The following PLGRKT variants were observed in gnomAD, a reference collection of about 807,000 sequenced individuals.
The protein encoded by PLGRKT is plasminogen receptor (KT).
PLGRKT carries 22 observed loss-of-function variants against 18.5 expected under a neutral mutation model. The ratio of observed to expected loss-of-function variants is 1.19; its 90% CI spans 0.85 to 1.70. The LOEUF (loss-of-function observed/expected upper bound fraction) is 1.70. Among genes scored for constraint, PLGRKT ranks in the 40% most tolerant of loss-of-function variants. The probability of loss-of-function intolerance (pLI) is 0.00; values close to 1 mark genes in which losing one functional copy is unlikely to be tolerated. For synonymous variants in PLGRKT, 72 were observed against 52.8 expected (o/e 1.36, Z -1.58); for missense variants, 235 against 174.4 (o/e 1.35, Z -1.96).
intron 3 of PLGRKT, among the ~76,000 whole-genome samples, chr9:5,393,032 G>C (rs1399926007): frequency 2.6e-5 from 4 of 151,532 alleles, no homozygotes; most frequent in Non-Finnish European, 5.9e-5. Context: ...ATTAGAGACA[G>C]GATTTCACCA....
rs374996250 is a variant in PLGRKT at position 5,412,195 on chromosome 9, TG to T, written c.81+19701del. ...TGATACAGGTAGTATCTCAACTCAC[TG>T]GGGGTAAAGATAGACTTCTTAATAA... On this transcript the variant is annotated intron_variant, in intron 3 of 5. Transcript: ENST00000223864. Among the ~76,000 whole-genome samples the T allele has an allele frequency of 1.2e-4, 19 of 152,304 alleles. No homozygotes were observed. In the South Asian group the frequency reaches 2.9e-3, roughly 23 times the overall value.
At chr9:5,388,010 G>A (rs1563775217) in intron 3 of PLGRKT, among the ~76,000 whole-genome samples, 1 of 151,860 alleles carries the variant, frequency 6.6e-6, no homozygotes, top group East Asian at 1.9e-4. Context: ...TGTCAAGCAG[G>A]CAGTTTGGTA....
chr9:5,432,075 G>GT, intron 2 of PLGRKT, 92 bp from the exon 3 acceptor site: 2 of 600,886 alleles, frequency 3.3e-6, no homozygotes, highest in Admixed American at 2.9e-5. Context: ...TTATGACAAA[G>GT]TAAAAAAAAA....
At chr9:5,433,172 G>A (rs143519522) in intron 2 of PLGRKT, among the ~76,000 whole-genome samples, 7,134 of 143,178 alleles carry the variant, frequency 0.05, 421 homozygotes, top group African/African-American at 0.15. Context: ...AGTGAGGAGT[G>A]CCTCTGCCCG....
intron 3 of PLGRKT, among the ~76,000 whole-genome samples, chr9:5,420,972 T>G (rs188541317): frequency 8.5e-5 from 13 of 152,370 alleles, no homozygotes; most frequent in Non-Finnish European, 1.9e-4. Context: ...AACTTTTATG[T>G]ATTTCAGAAA....
At position 5,418,913 on chromosome 9, in the gene PLGRKT, C is replaced by G. The variant is rs1414749995; in HGVS notation, c.81+12984G>C. 1 of 863,542 alleles carries G rather than the reference C, an allele frequency of 1.2e-6. No individual in the cohort carries two copies. The highest frequency in any genetic ancestry group is 1.7e-5 in the African/African-American group (1 of 59,560). 53.5% of individuals were successfully genotyped at this position (863,542 alleles called of 1,614,324 possible). A position where few individuals can be genotyped will look rare whatever the true frequency, so the allele number is the denominator to read the frequency against. ...TTGCAATCCAGCAACTTGGCCTTCA[C>G]TAGGGGCTGCAGTAATTAAAACAGA... On this transcript the variant is annotated intron_variant, in intron 3 of 5. Transcript: ENST00000223864. The surrounding 1 kb of genome is among the most constrained non-coding windows in gnomAD (Gnocchi z 4.2).
intron 3 of PLGRKT, among the ~76,000 whole-genome samples, chr9:5,399,851 C>T (rs573731652): frequency 6.6e-6 from 1 of 151,578 alleles, no homozygotes; most frequent in South Asian, 2.1e-4. Context: ...ATTAGCCAGG[C>T]CTGGTGGTGC....
At chr9:5,391,095 G>T (rs924598798) in intron 3 of PLGRKT, among the ~76,000 whole-genome samples, 1 of 151,896 alleles carries the variant, frequency 6.6e-6, no homozygotes, top group African/African-American at 2.4e-5. Context: ...TTGCGGAATT[G>T]ATGTTGGTCA....
intron 3 of PLGRKT, among the ~76,000 whole-genome samples, chr9:5,423,159 T>A (rs561051578): frequency 3.7e-4 from 56 of 152,322 alleles, no homozygotes; most frequent in African/African-American, 1.3e-3. Context: ...TCTCAGTTCC[T>A]AACACAATAT....
chr9:5,367,061 A>C (rs1014954084), intron 3 of PLGRKT, among the ~76,000 whole-genome samples: 6 of 146,310 alleles, frequency 4.1e-5, no homozygotes, highest in South Asian at 2.2e-4. Context: ...ACACACACAC[A>C]CACACACCCC....
chr9:5,369,587 A>G (rs1027122560), intron 3 of PLGRKT, among the ~76,000 whole-genome samples: 1 of 152,224 alleles, frequency 6.6e-6, no homozygotes, highest in Non-Finnish European at 1.5e-5. Flanking sequence ...CAATCCCATT[A>G]CTGGTTATAT....
chr9:5,381,858 C>A, intron 3 of PLGRKT: 1 of 982,148 alleles, frequency 1.0e-6, no homozygotes, highest in Non-Finnish European at 1.2e-6. Flanking sequence ...ATTTAACTAA[C>A]ATACCTTCCT....
At chr9:5,414,412 C>T (rs1317198233) in intron 3 of PLGRKT, among the ~76,000 whole-genome samples, 1 of 152,148 alleles carries the variant, frequency 6.6e-6, no homozygotes, top group Non-Finnish European at 1.5e-5. Context: ...AGGTGATCTG[C>T]CTACCTCGGC....
rs964704759 is a variant in PLGRKT, at chr9:5,382,840, C to T, written c.82-20952G>A. ...ACAGACAGAAAGAAGTAGATGGGCACCAAAGGACATAGAATCAGTAAGAAC... is the reference window on the plus strand; with the variant it reads ...ACAGACAGAAAGAAGTAGATGGGCATCAAAGGACATAGAATCAGTAAGAAC... On this transcript the variant is annotated intron_variant, in intron 3 of 5. Coordinates refer to ENST00000223864, the MANE Select transcript of PLGRKT (RefSeq NM_018465.4). 2.0e-5 allele frequency among the ~76,000 whole-genome samples: 3 copies of T among 151,992 alleles called. No individual in the cohort carries two copies. In the East Asian group the frequency reaches 5.8e-4, roughly 29 times the overall value.
intron 3 of PLGRKT, among the ~76,000 whole-genome samples, chr9:5,411,263 T>C (rs1310591091): frequency 1.3e-5 from 2 of 151,216 alleles, no homozygotes; most frequent in African/African-American, 4.9e-5. Flanking sequence ...CATGCGTCTA[T>C]AATTCCAGCT....
chr9:5,414,457 C>T lies in PLGRKT; in HGVS notation c.81+17440G>A, dbSNP rs142486455. On this transcript the variant is annotated intron_variant, in intron 3 of 5. Coordinates refer to ENST00000223864, the MANE Select transcript of PLGRKT (RefSeq NM_018465.4). ...TGGTGGGATTACAGGCATGAGCTAC[C>T]GTGAATGTATCTTTTTTATATAGCT... 1.6e-4 allele frequency among the ~76,000 whole-genome samples: 25 copies of T among 152,224 alleles called. No homozygotes were observed. The East Asian group carries it at 4.2e-3, about 26-fold the overall frequency.
At chr9:5,379,873 C>A (rs114274067) in intron 3 of PLGRKT, among the ~76,000 whole-genome samples, 1 of 152,114 alleles carries the variant, frequency 6.6e-6, no homozygotes, top group African/African-American at 2.4e-5. Context: ...AATCTTCATG[C>A]TTTTCTCCCC....
intron 3 of PLGRKT, among the ~76,000 whole-genome samples, chr9:5,405,852 C>T (rs1818245321): frequency 1.3e-5 from 2 of 152,092 alleles, no homozygotes; most frequent in Non-Finnish European, 2.9e-5. Flanking sequence ...TTTTTGCAAT[C>T]TATCCATCTG....
intron 3 of PLGRKT, among the ~76,000 whole-genome samples, chr9:5,426,398 T>G (rs1818702562): frequency 6.6e-6 from 1 of 152,178 alleles, no homozygotes; most frequent in African/African-American, 2.4e-5. Context: ...GAAGTTTAAT[T>G]CCTTCAAGTG....
Sources: gnomAD v4.1 joint callset for allele counts (sites outside exome capture counted in the v4.1 genomes callset) on GRCh38, gnomAD v4.1.1 for gene constraint, Gnocchi (gnomAD v3.1) non-coding constraint, MANE v1.5 for transcripts, NCBI Gene and HGNC (gene_info 2026-07-23, HGNC 2026-07-21) for gene names.